The following SENP6 variants were observed in gnomAD, a reference collection of about 807,000 sequenced individuals.
SENP6 encodes sentrin-specific protease 6.
A neutral mutation model predicts 134.5 loss-of-function variants in SENP6; 41 were observed. The observed-to-expected ratio is 0.30, with a 90% CI of 0.24 to 0.40. SENP6 has a LOEUF of 0.40. SENP6 is among the 10% of genes least tolerant of loss of function. The pLI, the probability that SENP6 is intolerant of heterozygous loss-of-function variation, is 1.00. For missense variants in SENP6, 1,248 were observed against 1,312.5 expected, an observed-to-expected ratio of 0.95 and a Z score of 0.76; for synonymous variants, 395 against 429.8, an observed-to-expected ratio of 0.92 and a Z score of 1.00.
Position 75,686,757 on chromosome 6 carries a change from G to A in SENP6, c.2075+7830G>A, listed in dbSNP as rs1011018798. 9.2e-5 allele frequency among the ~76,000 whole-genome samples: 14 copies of A among 152,176 alleles called. No individual in the cohort carries two copies. In the East Asian group the frequency reaches 1.5e-3, roughly 17 times the overall value. On this transcript the variant is annotated intron_variant, in intron 16 of 23. Transcript: ENST00000447266. ...TCTTCTGGCTTGTAGGGTTTCTGCC[G>A]AGAGATCCACTGTTAGTCTGATGGG...
chr6:75,623,928 G>T lies in SENP6; in HGVS notation c.175G>T (p.Asp59Tyr), dbSNP rs769139029. The T allele has an allele frequency of 1.9e-6, 3 of 1,609,312 alleles. No individual in the cohort carries two copies. The East Asian group carries it at 6.7e-5, about 36-fold the overall frequency. ...DGTNLLSVDE[D>Y]EDSETSKGKK... ...GACAAATCTGCTCAGTGTGGATGAA[G>T]ATGAGGATTCTGAAACCTCAAAAGG... is the stretch of plus-strand genomic sequence containing the variant. The change falls in exon 3 of 24, where the codon GAT becomes TAT. Residue 59 changes from aspartate to tyrosine, a missense_variant. By Grantham distance (160) the Asp-to-Tyr change is radical. Coordinates refer to ENST00000447266, the MANE Select transcript of SENP6 (RefSeq NM_015571.4).
chr6:75,604,343 G>A (rs1211282451), intron 1 of SENP6, among the ~76,000 whole-genome samples: 1 of 152,166 alleles, frequency 6.6e-6, no homozygotes, highest in Non-Finnish European at 1.5e-5. Context: ...TAAGCATAAG[G>A]GTTCTGGGCA....
At chr6:75,605,408 C>T (rs1410560624) in intron 1 of SENP6, among the ~76,000 whole-genome samples, 1 of 151,874 alleles carries the variant, frequency 6.6e-6, no homozygotes, top group East Asian at 1.9e-4. Flanking sequence ...TTTTTTTCAC[C>T]ATCATATTTC....
chr6:75,636,185 A>T (rs941822616), intron 5 of SENP6, among the ~76,000 whole-genome samples: 1 of 152,160 alleles, frequency 6.6e-6, no homozygotes, highest in African/African-American at 2.4e-5. Context: ...GAACTAGTTT[A>T]TACTGGTAAA....
intron 7 of SENP6, among the ~76,000 whole-genome samples, chr6:75,651,267 T>C (rs778343253): frequency 6.6e-6 from 1 of 152,200 alleles, no homozygotes; most frequent in Non-Finnish European, 1.5e-5. Flanking sequence ...TCCCTGAATG[T>C]ACATTTAATT....
At chr6:75,672,679 A>G (rs1161546983) in intron 11 of SENP6, among the ~76,000 whole-genome samples, 2 of 152,224 alleles carry the variant, frequency 1.3e-5, no homozygotes, top group East Asian at 1.9e-4. Flanking sequence ...GAAATGATTT[A>G]TCTGCCAAGT....
Position 75,715,656 on chromosome 6 carries a change from G to C in SENP6, c.*62G>C, listed in dbSNP as rs1582923591. The C allele has an allele frequency of 7.7e-6, 10 of 1,302,674 alleles. No individual in the cohort carries two copies. The East Asian group carries it at 2.3e-4, about 30-fold the overall frequency. The allele number at this position is 1,302,674 out of a possible 1,614,324, so 80.7% of individuals were successfully genotyped here. ...TAAATGACTTTCAAATTTGGGTATA[G>C]ACAATAAAGAACTGAAGTGCTCACT... On this transcript the variant is annotated 3_prime_UTR_variant, in exon 24 of 24. Coordinates refer to ENST00000447266, the MANE Select transcript of SENP6 (RefSeq NM_015571.4).
chr6:75,667,934 T>C (rs1031239398), intron 10 of SENP6, among the ~76,000 whole-genome samples: 1 of 152,328 alleles, frequency 6.6e-6, no homozygotes, highest in East Asian at 1.9e-4. Context: ...TAAGGAAATA[T>C]GTGTATATTA....
chr6:75,602,680 G>A, intron 1 of SENP6, 104 bp downstream of exon 1: 2 of 1,202,724 alleles, frequency 1.7e-6, no homozygotes, highest in Non-Finnish European at 2.4e-6. Flanking sequence ...GGGTTTCGGG[G>A]GCGGTGAAGT....
At chr6:75,708,766 A>G (rs1228867834) in intron 19 of SENP6, among the ~76,000 whole-genome samples, 2 of 152,064 alleles carry the variant, frequency 1.3e-5, no homozygotes, top group African/African-American at 4.8e-5. Context: ...GGTGGTATGT[A>G]CCTGTAATCC....
intron 1 of SENP6, among the ~76,000 whole-genome samples, chr6:75,603,950 G>A (rs980523622): frequency 2.0e-5 from 3 of 152,124 alleles, no homozygotes; most frequent in Non-Finnish European, 2.9e-5. Flanking sequence ...TCCAGTTTGC[G>A]GAATGGGTAC....
intron 7 of SENP6, among the ~76,000 whole-genome samples, chr6:75,648,999 A>G (rs1483390197): frequency 1.3e-5 from 2 of 152,140 alleles, no homozygotes; most frequent in Non-Finnish European, 2.9e-5. Context: ...AAAAGGTATT[A>G]TTTTTATTTT....
At chr6:75,677,398 T>G in intron 14 of SENP6, 142 bp downstream of exon 14, 1 of 668,222 alleles carries the variant, frequency 1.5e-6, no homozygotes, top group Non-Finnish European at 2.4e-6. Context: ...GTGTGATTTG[T>G]AAACTACCTT....
chr6:75,614,301 T>C (rs548521672), intron 1 of SENP6, among the ~76,000 whole-genome samples: 2 of 151,422 alleles, frequency 1.3e-5, no homozygotes, highest in African/African-American at 4.9e-5. Context: ...AGTCTGGCTC[T>C]GTCACCCAGG....
chr6:75,604,742 C>T (rs921237893), intron 1 of SENP6, among the ~76,000 whole-genome samples: 2 of 152,090 alleles, frequency 1.3e-5, no homozygotes, highest in Admixed American at 1.3e-4. Flanking sequence ...CTGCTTATTT[C>T]CCATGATTCT....
chr6:75,669,256 G>A (rs550967028), intron 10 of SENP6, among the ~76,000 whole-genome samples: 77 of 152,114 alleles, frequency 5.1e-4, no homozygotes, highest in Middle Eastern at 3.2e-3. Flanking sequence ...GGAGGCTGAC[G>A]CAGGAGAATT....
chr6:75,675,134 A>G (rs1582831051), intron 11 of SENP6, among the ~76,000 whole-genome samples: 1 of 152,066 alleles, frequency 6.6e-6, no homozygotes, highest in Non-Finnish European at 1.5e-5. Context: ...ATGACATGCA[A>G]TTTACCTGTA....
intron 16 of SENP6, among the ~76,000 whole-genome samples, chr6:75,680,750 A>G (rs549547980): frequency 5.3e-5 from 8 of 152,264 alleles, no homozygotes; most frequent in African/African-American, 1.2e-4. Flanking sequence ...GTGGAAGCCT[A>G]TTGGAGGAGT....
At chr6:75,676,832 C>G (rs1475331467) in intron 13 of SENP6, 198 bp from the exon 14 acceptor site, 5 of 471,722 alleles carry the variant, frequency 1.1e-5, no homozygotes, top group Non-Finnish European at 1.5e-5. Flanking sequence ...CTTCCAATAA[C>G]TTAGGTGACA....
Sources: gnomAD v4.1 joint callset for allele counts (sites outside exome capture counted in the v4.1 genomes callset) on GRCh38, gnomAD v4.1.1 for gene constraint, MANE v1.5 for transcripts, NCBI Gene and HGNC (gene_info 2026-07-23, HGNC 2026-07-21) for gene names.